DNAH14: variants seen among roughly 807,000 people sequenced by gnomAD.
DNAH14 encodes dynein axonemal heavy chain 14.
A neutral mutation model predicts 520.9 loss-of-function variants in DNAH14; 478 were observed. The ratio of observed to expected loss-of-function variants is 0.92; its 90% CI spans 0.85 to 0.99. The LOEUF is 0.99. Ranked by LOEUF, DNAH14 falls within the 50% of genes least tolerant of loss-of-function variation. The pLI is 0.00. For missense variants in DNAH14, 4,831 were observed against 5,234.5 expected, an observed-to-expected ratio of 0.92 and a Z score of 2.38; for synonymous variants, 1,581 against 1,757.2, an observed-to-expected ratio of 0.90 and a Z score of 2.51.
rs546502568 is a variant in DNAH14, at chr1:224,963,828, T to C, written c.368-651T>C. Among the ~76,000 whole-genome samples, 18 of 152,254 alleles carry C rather than the reference T, an allele frequency of 1.2e-4. No homozygotes were observed. In the East Asian group the frequency reaches 2.9e-3, roughly 24 times the overall value. On this transcript the variant is annotated intron_variant, in intron 4 of 85. Coordinates refer to ENST00000682510, the MANE Select transcript of DNAH14 (RefSeq NM_001367479.1). ...ATAGTGTCTTATACAAGAGCTCAAG[T>C]CTCATTTCATCCTTAGCAAAGAAGT...
At chr1:225,286,657 G>A (rs1574526223) in intron 54 of DNAH14, among the ~76,000 whole-genome samples, 1 of 152,140 alleles carries the variant, frequency 6.6e-6, no homozygotes, top group African/African-American at 2.4e-5. Flanking sequence ...CACTTTGGAA[G>A]ACAGTTTAGC....
intron 8 of DNAH14, among the ~76,000 whole-genome samples, chr1:224,997,434 T>TTTTGTTTGTTTG: frequency 6.7e-6 from 1 of 150,374 alleles, no homozygotes; most frequent in East Asian, 2.0e-4. Context: ...GCAGGTTTTT[T>TTTTGTTTGTTTG]TTTGTTTGTT....
At chr1:225,364,559 A>G (rs2095530250) in intron 75 of DNAH14, among the ~76,000 whole-genome samples, 1 of 151,750 alleles carries the variant, frequency 6.6e-6, no homozygotes, top group African/African-American at 2.4e-5. Flanking sequence ...ATTTTTTGCA[A>G]TGAGTATATG....
chr1:225,351,058 A>G (rs891200997), intron 71 of DNAH14, among the ~76,000 whole-genome samples: 2 of 152,202 alleles, frequency 1.3e-5, no homozygotes, highest in African/African-American at 2.4e-5. Flanking sequence ...GTTTATTCTC[A>G]GTTTCACAAC....
At chr1:224,990,560 T>C (rs2062967263) in intron 8 of DNAH14, among the ~76,000 whole-genome samples, 1 of 152,218 alleles carries the variant, frequency 6.6e-6, no homozygotes, top group African/African-American at 2.4e-5. Flanking sequence ...CATGTGTCAT[T>C]TGTTTTTTTG....
chr1:224,980,508 C>T (rs2062185947), intron 8 of DNAH14, among the ~76,000 whole-genome samples: 2 of 152,164 alleles, frequency 1.3e-5, no homozygotes, highest in Non-Finnish European at 2.9e-5. Flanking sequence ...GACTCCAATC[C>T]GTGGCTCCCA....
chr1:225,143,234 T>C (rs1207746068), intron 28 of DNAH14, among the ~76,000 whole-genome samples: 2 of 152,040 alleles, frequency 1.3e-5, no homozygotes, highest in Non-Finnish European at 2.9e-5. Flanking sequence ...AAAATAATGA[T>C]TTGGCACTCT....
chr1:225,011,960 A>G (rs2064807839), intron 10 of DNAH14, among the ~76,000 whole-genome samples: 1 of 151,924 alleles, frequency 6.6e-6, no homozygotes, highest in Non-Finnish European at 1.5e-5. Context: ...ATTTAAGGTT[A>G]ATATTATTAT....
intron 48 of DNAH14, 127 bp from the exon 49 acceptor site, chr1:225,266,514 T>C (rs970880664): frequency 1.6e-5 from 9 of 561,888 alleles, no homozygotes; most frequent in Non-Finnish European, 2.5e-5. Context: ...TTATTACATA[T>C]GATTTTGTGC....
intron 65 of DNAH14, among the ~76,000 whole-genome samples, chr1:225,332,834 A>C (rs2094829967): frequency 6.7e-6 from 1 of 150,148 alleles, no homozygotes; most frequent in African/African-American, 2.4e-5. Context: ...TCTCTACAAA[A>C]AAAAAAAAAA....
chr1:225,159,188 C>T, intron 34 of DNAH14, 126 bp from the exon 35 acceptor site: 2 of 711,638 alleles, frequency 2.8e-6, no homozygotes, highest in Non-Finnish European at 4.6e-6. Context: ...GGCTGCTATC[C>T]AGTGAGAGAG....
chr1:225,035,248 C>T (rs1410239056), intron 11 of DNAH14, among the ~76,000 whole-genome samples: 4 of 151,954 alleles, frequency 2.6e-5, no homozygotes, highest in African/African-American at 9.7e-5. Flanking sequence ...TCTGCAGTAT[C>T]GGTTGTAATG....
chr1:224,948,328 T>A (rs184371142), intron 1 of DNAH14, among the ~76,000 whole-genome samples: 300 of 151,982 alleles, frequency 2.0e-3, no homozygotes, highest in Non-Finnish European at 3.1e-3. Context: ...ATGTAGTGAT[T>A]ATCTTTCTAT....
chr1:225,358,183 G>GA (rs1272577035), intron 73 of DNAH14, among the ~76,000 whole-genome samples: 3 of 152,142 alleles, frequency 2.0e-5, no homozygotes, highest in East Asian at 1.9e-4. Flanking sequence ...AAACCGAGGG[G>GA]AAAAAATTTC....
At chr1:225,393,611 A>C (rs1200536734) in intron 84 of DNAH14, among the ~76,000 whole-genome samples, 1 of 151,806 alleles carries the variant, frequency 6.6e-6, no homozygotes, top group Admixed American at 6.6e-5. Flanking sequence ...TATGGAGCTC[A>C]TGATTAAATA....
chr1:224,980,032 G>GAGT (rs1478143524), intron 8 of DNAH14, among the ~76,000 whole-genome samples: 1 of 152,166 alleles, frequency 6.6e-6, no homozygotes, highest in Non-Finnish European at 1.5e-5. Flanking sequence ...ACTCAAACAT[G>GAGT]CTGGCTTCAG....
chr1:225,322,445 A>G (rs2150210153), intron 61 of DNAH14, among the ~76,000 whole-genome samples: 1 of 152,296 alleles, frequency 6.6e-6, no homozygotes, highest in African/African-American at 2.4e-5. Context: ...TACTTATTTA[A>G]GTTTTATGCA....
At chr1:225,336,049 A>ATATATGTATG (rs1278532335) in intron 66 of DNAH14, among the ~76,000 whole-genome samples, 10 of 142,204 alleles carry the variant, frequency 7.0e-5, no homozygotes, top group African/African-American at 2.7e-4. Flanking sequence ...ATATATGCAT[A>ATATATGTATG]TATACATATA....
In DNAH14 at chr1:225,043,767, G is replaced by T; in HGVS notation, c.1792G>T (p.Glu598Ter). 2 of 1,467,724 alleles carry T rather than the reference G, an allele frequency of 1.4e-6. No homozygotes were observed. The highest frequency in any genetic ancestry group is 2.5e-5 in the South Asian group (2 of 81,006). 90.9% of individuals were successfully genotyped at this position (1,467,724 alleles called of 1,614,324 possible). A position where few individuals can be genotyped will look rare whatever the true frequency, so the allele number is the denominator to read the frequency against. The part of the protein sequence containing the change: ...ISDTEIETEF[E>*]NKYMYYEFPE... ...AGACACAGAAATTGAGACTGAGTTT[G>T]AGAATAAATACATGTATTATGAGTA... Residue 598 changes from glutamate (E) to a stop codon, truncating the protein, a stop_gained, in exon 14 of 86, where the codon GAG (glutamate) becomes TAG (stop). Coordinates refer to ENST00000682510, the MANE Select transcript of DNAH14 (RefSeq NM_001367479.1). LOFTEE classifies it high-confidence loss of function.
Sources: gnomAD v4.1 joint callset for allele counts (sites outside exome capture counted in the v4.1 genomes callset) on GRCh38, gnomAD v4.1.1 for gene constraint, MANE v1.5 for transcripts, NCBI Gene and HGNC (gene_info 2026-07-23, HGNC 2026-07-21) for gene names.